RASGEF1A: variants seen among roughly 807,000 people sequenced by gnomAD.
RASGEF1A encodes ras-GEF domain-containing family member 1A.
Under a neutral mutation model 56.4 loss-of-function variants are expected in RASGEF1A, and 18 were observed. That is an observed-to-expected ratio of 0.32 (90% CI 0.22 to 0.47). The LOEUF is 0.47. RASGEF1A is among the 20% of genes least tolerant of loss of function. The pLI is 1.00. For missense variants in RASGEF1A, 422 were observed against 627.1 expected (o/e 0.67, Z 3.49); for synonymous variants, 245 against 242.6 (o/e 1.01, Z -0.09).
intron 3 of RASGEF1A, 132 bp downstream of exon 3, chr10:43,203,166 C>G: frequency 7.7e-6 from 7 of 909,092 alleles, no homozygotes; most frequent in Non-Finnish European, 1.1e-5. Flanking sequence ...CCAGCCAGGC[C>G]AAGCCCCAAC....
Position 43,196,260 on chromosome 10 carries a change from A to G in RASGEF1A, c.1430T>C (p.Leu477Pro). 1 of 1,613,662 alleles carries G rather than the reference A, an allele frequency of 6.2e-7. No homozygotes were observed. The highest frequency in any genetic ancestry group is 8.5e-7 in the Non-Finnish European group (1 of 1,179,768). ...KDSWKTLRTT[L>P]LNRA is the part of the protein sequence containing the mutation. Reference sequence around the variant, plus strand: ...GCATCCGCCTCAGGCTCTGTTCAGAAGGGTGGTCCTAGAGGGGGACAGGAC... The same window carrying G: ...GCATCCGCCTCAGGCTCTGTTCAGAGGGGTGGTCCTAGAGGGGGACAGGAC... The change falls in exon 13 of 13, where the codon CTT becomes CCT. Residue 477 changes from leucine to proline, a missense_variant. By Grantham distance (98) the Leu-to-Pro change is moderately conservative (BLOSUM62 -3). Coordinates refer to ENST00000395810, the MANE Select transcript of RASGEF1A (RefSeq NM_145313.4). This position sits in a 1 kb window ranked among gnomAD's most constrained non-coding sequence, Gnocchi z 4.6.
Position 43,230,110 on chromosome 10 carries a change from G to T in RASGEF1A, c.-6-23988C>A, listed in dbSNP as rs1472438779. On this transcript the variant is annotated intron_variant, in intron 1 of 12. Coordinates refer to ENST00000395810, the MANE Select transcript of RASGEF1A (RefSeq NM_145313.4). ...CAGCGTGGGTCGGGGCTCGGCGCGG[G>T]AAGGGGATGCCTCTTACCCGGCCCC... 5.3e-5 allele frequency among the ~76,000 whole-genome samples: 8 copies of T among 152,282 alleles called. No individual in the cohort carries two copies. In the East Asian group the frequency reaches 7.7e-4, roughly 15 times the overall value.
At chr10:43,257,306 T>C (rs1836434603) in intron 1 of RASGEF1A, among the ~76,000 whole-genome samples, 3 of 152,210 alleles carry the variant, frequency 2.0e-5, no homozygotes, top group African/African-American at 4.8e-5. Context: ...CTGGTGATGA[T>C]TTGCATGCCC....
At chr10:43,230,068 G>A (rs1840343492) in intron 1 of RASGEF1A, among the ~76,000 whole-genome samples, 1 of 151,734 alleles carries the variant, frequency 6.6e-6, no homozygotes, top group African/African-American at 2.4e-5. Flanking sequence ...CTGGCGCGCG[G>A]GGCCGGCGAG....
At chr10:43,232,056 G>A (rs1840376212) in intron 1 of RASGEF1A, among the ~76,000 whole-genome samples, 1 of 152,266 alleles carries the variant, frequency 6.6e-6, no homozygotes. Context: ...AGAGCCTAGA[G>A]CAGGCAAGCT....
At chr10:43,239,300 G>C (rs528193298) in intron 1 of RASGEF1A, among the ~76,000 whole-genome samples, 1 of 152,324 alleles carries the variant, frequency 6.6e-6, no homozygotes, top group Non-Finnish European at 1.5e-5. Flanking sequence ...CCTAATACTT[G>C]ATGTGCTGGG....
chr10:43,207,791 C>T (rs867095534), intron 1 of RASGEF1A: 14 of 768,644 alleles, frequency 1.8e-5, no homozygotes, highest in Non-Finnish European at 1.9e-5. Flanking sequence ...TGTACCCCAA[C>T]GCGCTCTCCA....
At chr10:43,220,042 G>A (rs1840187151) in intron 1 of RASGEF1A, among the ~76,000 whole-genome samples, 2 of 152,258 alleles carry the variant, frequency 1.3e-5, no homozygotes, top group South Asian at 4.1e-4. Flanking sequence ...CCAGACACAC[G>A]TCCTGACTGC....
chr10:43,242,513 CCT>C (rs1042773506), intron 1 of RASGEF1A, among the ~76,000 whole-genome samples: 2 of 150,054 alleles, frequency 1.3e-5, no homozygotes. Flanking sequence ...TCTCCCTCTC[CCT>C]CTCTCTCCCT....
chr10:43,199,757 G>T lies in RASGEF1A; in HGVS notation c.768C>A (p.Asp256Glu), dbSNP rs1390223853. 7.4e-6 allele frequency: 12 copies of T among 1,613,372 alleles called. No homozygotes were observed. The Admixed American group carries it at 1.8e-4, about 25-fold the overall frequency. Reference protein sequence around the residue: ...DSLDNHRCRGDLTKTYSLEAY... With the variant: ...DSLDNHRCRGELTKTYSLEAY... ...CCTCCAGGCTGTAGGTCTTGGTCAG[G>T]TCCCCTCGGCACTGGAAAGGACACA... Residue 256 changes from aspartate (D) to glutamate (E), a missense_variant, in exon 7 of 13, where the codon GAC (aspartate) becomes GAA (glutamate). Around this residue, in one of 2 missense-constraint regions of RASGEF1A, gnomAD observed 273 missense variants for 339.9 expected, o/e 0.80. Transcript: ENST00000395810.
chr10:43,235,136 T>C (rs1488709968), intron 1 of RASGEF1A, among the ~76,000 whole-genome samples: 3 of 152,236 alleles, frequency 2.0e-5, no homozygotes, highest in Non-Finnish European at 4.4e-5. Flanking sequence ...TAATATTCCA[T>C]GCACTGAATC....
chr10:43,224,420 C>T lies in RASGEF1A; in HGVS notation c.-6-18298G>A, dbSNP rs527280776. On this transcript the variant is annotated intron_variant, in intron 1 of 12. Coordinates refer to ENST00000395810, the MANE Select transcript of RASGEF1A (RefSeq NM_145313.4). ...ATTTTTAAGCACAATAGAGCCTGACCCAGTGGGCTTTATTCCAGGAACAAG... is the reference window on the plus strand; with the variant it reads ...ATTTTTAAGCACAATAGAGCCTGACTCAGTGGGCTTTATTCCAGGAACAAG... Among the ~76,000 whole-genome samples the T allele has an allele frequency of 3.2e-4, 49 of 152,188 alleles. 1 individual carries two copies. In the South Asian group the frequency reaches 5.0e-3, roughly 15 times the overall value.
chr10:43,200,816 G>C lies in RASGEF1A; in HGVS notation c.532C>G (p.Gln178Glu). ...SLLLSLAARS[Q>E]LQELREKLRP... ...AGCTTCTCTCGCAGTTCCTGGAGCTGGCTCCGGGCAGCCAAGGACAGCAAC... is the reference window on the plus strand; with the variant it reads ...AGCTTCTCTCGCAGTTCCTGGAGCTCGCTCCGGGCAGCCAAGGACAGCAAC... Residue 178 changes from glutamine to glutamate, a missense_variant, in exon 5 of 13, where the codon CAG (glutamine) becomes GAG (glutamate). Gln to Glu is a conservative substitution (Grantham distance 29). Transcript: ENST00000395810. The C allele has an allele frequency of 6.2e-7, 1 of 1,613,972 alleles. No individual in the cohort carries two copies. The highest frequency in any genetic ancestry group is 8.5e-7 in the Non-Finnish European group (1 of 1,180,026).
intron 1 of RASGEF1A, among the ~76,000 whole-genome samples, chr10:43,254,329 C>T (rs756675832): frequency 4.6e-5 from 7 of 152,192 alleles, no homozygotes; most frequent in African/African-American, 4.8e-5. Flanking sequence ...CCAGTGCTGG[C>T]GGCCTCCACT....
chr10:43,263,879 G>A (rs1836577715), intron 1 of RASGEF1A, among the ~76,000 whole-genome samples: 1 of 152,104 alleles, frequency 6.6e-6, no homozygotes, highest in South Asian at 2.1e-4. Flanking sequence ...CCGGGCAGGG[G>A]TGGCCACAGC....
chr10:43,260,018 ACCTCTG>A (rs899829342), intron 1 of RASGEF1A, among the ~76,000 whole-genome samples: 1 of 152,144 alleles, frequency 6.6e-6, no homozygotes, highest in African/African-American at 2.4e-5. Context: ...CCTGGCCTCA[ACCTCTG>A]CCTCTGCCCC....
intron 1 of RASGEF1A, among the ~76,000 whole-genome samples, chr10:43,255,730 C>A (rs923866632): frequency 2.0e-4 from 31 of 152,328 alleles, no homozygotes; most frequent in East Asian, 5.8e-4. Flanking sequence ...GTCAGGGGAA[C>A]CCTGGAGCCA....
chr10:43,250,841 G>A (rs1342815754), intron 1 of RASGEF1A, among the ~76,000 whole-genome samples: 2 of 152,230 alleles, frequency 1.3e-5, no homozygotes, highest in Non-Finnish European at 2.9e-5. Context: ...AGGGCTGGAG[G>A]CTTGGGAGTG....
chr10:43,257,868 A>G (rs1836452031), intron 1 of RASGEF1A, among the ~76,000 whole-genome samples: 1 of 152,196 alleles, frequency 6.6e-6, no homozygotes, highest in South Asian at 2.1e-4. Flanking sequence ...GGACTGACAG[A>G]CACTCCTCCC....
Sources: gnomAD v4.1 joint callset for allele counts (sites outside exome capture counted in the v4.1 genomes callset) on GRCh38, gnomAD v4.1.1 for gene constraint, gnomAD v4.1.1 regional missense constraint, Gnocchi (gnomAD v3.1) non-coding constraint, MANE v1.5 for transcripts, NCBI Gene and HGNC (gene_info 2026-07-23, HGNC 2026-07-21) for gene names.